Variants in ARHGAP1 observed in about 807,000 individuals in gnomAD.
ARHGAP1 encodes the protein Rho GTPase activating protein 1.
ARHGAP1 carries 23 observed loss-of-function variants against 52.2 expected under a neutral mutation model. The observed-to-expected ratio is 0.44, with a 90% CI of 0.32 to 0.62. The LOEUF is 0.62. Ranked by LOEUF, ARHGAP1 falls within the 20% of genes least tolerant of loss-of-function variation. ARHGAP1 has a pLI of 0.05. For missense variants in ARHGAP1, 480 were observed against 560.9 expected (o/e 0.86, Z 1.46); for synonymous variants, 210 against 228.4 (o/e 0.92, Z 0.73).
At position 46,679,445 on chromosome 11, in the gene ARHGAP1, G is replaced by C. The variant is rs757043724; in HGVS notation, c.1051C>G (p.Pro351Ala). 6 of 1,614,140 alleles carry C rather than the reference G, an allele frequency of 3.7e-6. No homozygotes were observed. Among genetic ancestry groups the C allele is most frequent in the Non-Finnish European group, 5.1e-6 (6 of 1,180,016 alleles). The change falls in exon 12 of 13, where the codon CCA becomes GCA. Residue 351 changes from proline to alanine, a missense_variant. Physicochemically the swap from Pro to Ala is conservative, Grantham distance 27 (BLOSUM62 -1). Transcript: ENST00000311956. This position sits in a 1 kb window ranked among gnomAD's most constrained non-coding sequence, Gnocchi z 4.4. Reference sequence around the variant, plus strand: ...GTCTGGAGGACCTGCAGTGTCGCTGGCACCCTCTGGCTTTCATCAATGTCT... The same window carrying C: ...GTCTGGAGGACCTGCAGTGTCGCTGCCACCCTCTGGCTTTCATCAATGTCT... ...FLNIDESQRV[P>A]ATLQVLQTLP... is the part of the protein sequence containing the mutation.
At position 46,678,186 on chromosome 11, in the gene ARHGAP1, A is replaced by G. The variant is rs2064494943; in HGVS notation, c.*851T>C. On this transcript the variant is annotated 3_prime_UTR_variant, in exon 13 of 13. Transcript: ENST00000311956. ...CTCCGTAACAGACAGGTCCACAAGA[A>G]CATGAAGGCTGATGATCTGCCCGTG... 4.8e-6 allele frequency: 1 copy of G among 208,630 alleles called. No individual in the cohort carries two copies. The highest frequency in any genetic ancestry group is 1.8e-4 in the East Asian group (1 of 5,522). The allele number at this position is 208,630 out of a possible 1,614,324, so 12.9% of individuals were successfully genotyped here.
Position 46,681,199 on chromosome 11 carries a change from C to G in ARHGAP1, c.537-90G>C. 4.6e-6 allele frequency: 7 copies of G among 1,536,224 alleles called. No individual in the cohort carries two copies. The highest frequency in any genetic ancestry group is 6.3e-6 in the Non-Finnish European group (7 of 1,109,804). The stretch of plus-strand genomic sequence containing the variant: ...AACACCCACCCAGTTCAGACGGAAG[C>G]CCAGCCGCACCTGGTGGTCCCCAGG... On this transcript the variant is annotated intron_variant, in intron 6 of 12. Coordinates refer to ENST00000311956, the MANE Select transcript of ARHGAP1 (RefSeq NM_004308.5). This position sits in a 1 kb window ranked among gnomAD's most constrained non-coding sequence, Gnocchi z 5.7.
chr11:46,690,382 G>A (rs184837198), intron 3 of ARHGAP1, among the ~76,000 whole-genome samples: 10 of 151,114 alleles, frequency 6.6e-5, no homozygotes, highest in African/African-American at 1.5e-4. Flanking sequence ...GCGAGACTCC[G>A]TCTCAAAAAA....
In ARHGAP1 at chr11:46,680,613, C is replaced by T. The variant is rs568544565; in HGVS notation, c.743+27G>A. 569 of 1,613,478 alleles carry T rather than the reference C, an allele frequency of 3.5e-4. 11 individuals are homozygous for T. In the South Asian group the frequency reaches 5.0e-3, roughly 14 times the overall value. On this transcript the variant is annotated intron_variant, in intron 8 of 12. Transcript: ENST00000311956. This position sits in a 1 kb window ranked among gnomAD's most constrained non-coding sequence, Gnocchi z 5.9. The stretch of plus-strand genomic sequence containing the variant: ...GGGCCTGCAGCCCTTCCCGCCCCGC[C>T]GTGGCCCAGCCACCTTTCATACTTA...
At chr11:46,683,992 C>G (rs1216105368) in intron 4 of ARHGAP1, among the ~76,000 whole-genome samples, 2 of 152,220 alleles carry the variant, frequency 1.3e-5, no homozygotes, top group African/African-American at 4.8e-5. Context: ...CACAGGGACA[C>G]TACTGCAGGC....
chr11:46,680,053 C>A lies in ARHGAP1; in HGVS notation c.898+152G>T. The A allele has an allele frequency of 9.6e-7, 1 of 1,045,740 alleles. No homozygotes were observed. The highest frequency in any genetic ancestry group is 1.4e-6 in the Non-Finnish European group (1 of 702,732). 64.8% of individuals were successfully genotyped at this position (1,045,740 alleles called of 1,614,324 possible). A position where few individuals can be genotyped will look rare whatever the true frequency, so the allele number is the denominator to read the frequency against. ...GGAGCCCGACCGATGAGGCAGCAGG[C>A]CTGGCAGAAGTAGGACTTATGTGAC... is the stretch of plus-strand genomic sequence containing the variant. On this transcript the variant is annotated intron_variant, in intron 10 of 12. Coordinates refer to ENST00000311956, the MANE Select transcript of ARHGAP1 (RefSeq NM_004308.5). The surrounding 1 kb of genome is among the most constrained non-coding windows in gnomAD (Gnocchi z 5.9).
Position 46,680,340 on chromosome 11 carries a change from GC to G in ARHGAP1, c.821-59del. ...GCGCTGGGCACCGGCTGGATTCCCT[GC>G]CCCTTCTCTGTCTTGGGGTTCTAGG... On this transcript the variant is annotated intron_variant, in intron 9 of 12. Coordinates refer to ENST00000311956, the MANE Select transcript of ARHGAP1 (RefSeq NM_004308.5). The surrounding 1 kb of genome is among the most constrained non-coding windows in gnomAD (Gnocchi z 5.9). 4 of 1,596,296 alleles carry G rather than the reference GC, an allele frequency of 2.5e-6. No individual in the cohort carries two copies. Among genetic ancestry groups the G allele is most frequent in the Non-Finnish European group, 3.4e-6 (4 of 1,164,424 alleles).
rs1444476627 is a variant in ARHGAP1 at position 46,680,685 on chromosome 11, G to A, written c.698C>T (p.Pro233Leu). 2.5e-6 allele frequency: 4 copies of A among 1,603,512 alleles called. No individual in the cohort carries two copies. The change falls in exon 8 of 13, where the codon CCA (proline) becomes CTA (leucine). Residue 233 changes from proline to leucine, a missense_variant. Pro to Leu is a moderately conservative substitution (Grantham distance 98, BLOSUM62 -3). Transcript: ENST00000311956. The surrounding 1 kb of genome is among the most constrained non-coding windows in gnomAD (Gnocchi z 5.9). ...CTGCTGGTTGGGCAGGGGGGGCCGTGGGGGCATGGGCTTGGGGGCTGTCGC... is the reference window on the plus strand; with the variant it reads ...CTGCTGGTTGGGCAGGGGGGGCCGTAGGGGCATGGGCTTGGGGGCTGTCGC... Reference protein sequence around the residue: ...SPATAPKPMPPRPPLPNQQFG... With the variant: ...SPATAPKPMPLRPPLPNQQFG...
At chr11:46,698,899 G>A (rs1029742821) in intron 1 of ARHGAP1, among the ~76,000 whole-genome samples, 2 of 152,178 alleles carry the variant, frequency 1.3e-5, no homozygotes, top group African/African-American at 4.8e-5. Context: ...GTGGGAGGGT[G>A]AGGAAGCTAG....
At chr11:46,697,140 A>C (rs2064662335) in intron 1 of ARHGAP1, 1 of 152,792 alleles carries the variant, frequency 6.5e-6, no homozygotes, top group Non-Finnish European at 1.5e-5. Context: ...TGAGGAGGTC[A>C]CCAGCAGAAC....
At chr11:46,686,843 G>A (rs2064572898) in intron 4 of ARHGAP1, 2 of 152,226 alleles carry the variant, frequency 1.3e-5, no homozygotes, top group African/African-American at 4.8e-5. Context: ...GCTGGGAAGA[G>A]CCACATCTGA....
chr11:46,690,897 T>C (rs74488128), intron 3 of ARHGAP1, among the ~76,000 whole-genome samples: 1 of 151,964 alleles, frequency 6.6e-6, no homozygotes, highest in Non-Finnish European at 1.5e-5. Flanking sequence ...TTTTTTTTTT[T>C]AAGAGACAGG....
At chr11:46,683,400 T>C (rs377089275) in intron 4 of ARHGAP1, among the ~76,000 whole-genome samples, 3 of 152,164 alleles carry the variant, frequency 2.0e-5, no homozygotes, top group African/African-American at 4.8e-5. Flanking sequence ...TGAACTCCAG[T>C]GCCGGCGGTA....
Position 46,680,184 on chromosome 11 carries a change from C to T in ARHGAP1, c.898+21G>A, listed in dbSNP as rs1388145558. On this transcript the variant is annotated intron_variant, in intron 10 of 12. Coordinates refer to ENST00000311956, the MANE Select transcript of ARHGAP1 (RefSeq NM_004308.5). The surrounding 1 kb of genome is among the most constrained non-coding windows in gnomAD (Gnocchi z 5.9). ...TACCAGTAACACACATATGGCCCTGCAACAGCCCAGGGCTGCTCACCCATG... is the reference window on the plus strand; with the variant it reads ...TACCAGTAACACACATATGGCCCTGTAACAGCCCAGGGCTGCTCACCCATG... 6.2e-7 allele frequency: 1 copy of T among 1,613,030 alleles called. No individual in the cohort carries two copies. Among genetic ancestry groups the T allele is most frequent in the Non-Finnish European group, 8.5e-7 (1 of 1,179,196 alleles).
At chr11:46,684,559 T>C (rs2064553933) in intron 4 of ARHGAP1, among the ~76,000 whole-genome samples, 1 of 152,098 alleles carries the variant, frequency 6.6e-6, no homozygotes. Flanking sequence ...CAACCATAAA[T>C]AGAATAGCTC....
In ARHGAP1 at chr11:46,679,127, G is replaced by C; in HGVS notation, c.1230C>G (p.Leu410=). 1 of 1,614,164 alleles carries C rather than the reference G, an allele frequency of 6.2e-7. No homozygotes were observed. Among genetic ancestry groups the C allele is most frequent in the South Asian group, 1.1e-5 (1 of 91,090 alleles). Residue 410 remains leucine (L), a synonymous_variant, in exon 13 of 13, where the codon CTC becomes CTG. Transcript: ENST00000311956. This position sits in a 1 kb window ranked among gnomAD's most constrained non-coding sequence, Gnocchi z 4.4. ...AGGTGTTGATGGGATTAATGGCCTT[G>C]AGGGTGATGGCCGCATCCTTGGCCC... The part of the protein sequence containing the change: ...LLWAKDAAIT[L]KAINPINTFT...
intron 3 of ARHGAP1, among the ~76,000 whole-genome samples, chr11:46,693,607 A>T (rs1220297029): frequency 6.6e-6 from 1 of 151,840 alleles, no homozygotes; most frequent in Non-Finnish European, 1.5e-5. Flanking sequence ...ACAGGGTTTC[A>T]CTATGTTGCC....
At position 46,679,435 on chromosome 11, in the gene ARHGAP1, A is replaced by G; in HGVS notation, c.1061T>C (p.Leu354Pro). The G allele has an allele frequency of 2.5e-6, 4 of 1,614,204 alleles. No homozygotes were observed. Among genetic ancestry groups the G allele is most frequent in the Non-Finnish European group, 3.4e-6 (4 of 1,180,038 alleles). Residue 354 changes from leucine (L) to proline (P), a missense_variant, in exon 12 of 13, where the codon CTG (leucine) becomes CCG (proline). By Grantham distance (98) the Leu-to-Pro change is moderately conservative. Coordinates refer to ENST00000311956, the MANE Select transcript of ARHGAP1 (RefSeq NM_004308.5). This position sits in a 1 kb window ranked among gnomAD's most constrained non-coding sequence, Gnocchi z 4.4. ...IDESQRVPAT[L>P]QVLQTLPEEN... ...CTCGGGCAGCGTCTGGAGGACCTGC[A>G]GTGTCGCTGGCACCCTCTGGCTTTC...
rs566144848 is a variant in ARHGAP1 at position 46,688,703 on chromosome 11, G to A, written c.230-443C>T. On this transcript the variant is annotated intron_variant, in intron 3 of 12. Coordinates refer to ENST00000311956, the MANE Select transcript of ARHGAP1 (RefSeq NM_004308.5). Reference sequence around the variant, plus strand: ...CACTATCTTGCCATGGCTGGGTCTTGAGCTCCTGGCCTCCTCCTGCCTCAG... The same window carrying A: ...CACTATCTTGCCATGGCTGGGTCTTAAGCTCCTGGCCTCCTCCTGCCTCAG... Among the ~76,000 whole-genome samples the A allele has an allele frequency of 2.6e-5, 4 of 151,946 alleles. No homozygotes were observed. In the East Asian group the frequency reaches 7.9e-4, roughly 30 times the overall value.
Sources: allele counts gnomAD v4.1 joint callset (sites outside exome capture counted in the v4.1 genomes callset), GRCh38; gene constraint gnomAD v4.1.1; non-coding constraint Gnocchi (gnomAD v3.1); transcripts MANE v1.5; gene names NCBI Gene and HGNC (gene_info 2026-07-23, HGNC 2026-07-21).